Variants in RAPH1 observed in about 807,000 individuals in gnomAD.
RAPH1 encodes Ras association (RalGDS/AF-6) and pleckstrin homology domains 1, also known as ras-associated and pleckstrin homology domains-containing protein 1.
In RAPH1, 18 loss-of-function variants were observed where a neutral mutation model predicts 88.1. The ratio of observed to expected loss-of-function variants is 0.20; its 90% confidence interval spans 0.14 to 0.30. The LOEUF is 0.30. Ranked by LOEUF, RAPH1 falls within the 10% of genes least tolerant of loss-of-function variation. The probability of loss-of-function intolerance (pLI) is 1.00; values close to 1 mark genes in which losing one functional copy is unlikely to be tolerated. For synonymous variants in RAPH1, 587 were observed against 559.0 expected (o/e 1.05, Z -0.71); for missense variants, 1,448 against 1,543.2 (o/e 0.94, Z 1.03).
intron 4 of RAPH1, among the ~76,000 whole-genome samples, chr2:203,472,656 A>C (rs1338369604): frequency 6.6e-6 from 1 of 152,244 alleles, no homozygotes; most frequent in Admixed American, 6.5e-5. Context: ...TAGAAAAATT[A>C]TCTCCAAGTG....
Position 203,439,631 on chromosome 2 carries a change from G to A in RAPH1, c.3559C>T (p.Arg1187Cys), listed in dbSNP as rs774194590. 72 of 1,614,002 alleles carry A rather than the reference G, an allele frequency of 4.5e-5. No homozygotes were observed. Among genetic ancestry groups the A allele is most frequent in the Non-Finnish European group, 5.3e-5 (62 of 1,180,016 alleles). ...GCTGTTGGTTCTGCTCTGGACATGC[G>A]GGAGGAGAGTGAGCCGTGCCGAGTG... ...SITRHGSLSSRMSRAEPTATM... is the reference protein window; with the variant it reads ...SITRHGSLSSCMSRAEPTATM... Residue 1187 changes from arginine (R) to cysteine (C), a missense_variant, in exon 14 of 14, where the codon CGC becomes TGC. Physicochemically the swap from Arg to Cys is radical, Grantham distance 180. Around this residue, in one of 2 missense-constraint regions of RAPH1, gnomAD observed 935 missense variants for 890.1 expected, o/e 1.05. Coordinates refer to ENST00000319170, the MANE Select transcript of RAPH1 (RefSeq NM_213589.3).
intron 1 of RAPH1, among the ~76,000 whole-genome samples, chr2:203,524,166 C>T (rs1690014678): frequency 6.6e-6 from 1 of 152,072 alleles, no homozygotes; most frequent in African/African-American, 2.4e-5. Flanking sequence ...TGTCACTTCC[C>T]AAATGACTAA....
chr2:203,532,781 T>C (rs897599191), intron 1 of RAPH1, among the ~76,000 whole-genome samples: 2 of 152,340 alleles, frequency 1.3e-5, no homozygotes, highest in East Asian at 1.9e-4. Context: ...AGCAGTGATC[T>C]AATCCAAACT....
At chr2:203,475,883 A>G (rs1397668083) in intron 4 of RAPH1, among the ~76,000 whole-genome samples, 2 of 151,962 alleles carry the variant, frequency 1.3e-5, no homozygotes, top group Admixed American at 1.3e-4. Context: ...ACTAAAACAG[A>G]TATATTATTT....
chr2:203,457,925 G>C (rs1180863018), intron 7 of RAPH1, among the ~76,000 whole-genome samples: 1 of 152,124 alleles, frequency 6.6e-6, no homozygotes, highest in African/African-American at 2.4e-5. Context: ...GGATCTGAAA[G>C]GTTTAGAAAT....
chr2:203,483,526 G>C (rs998561526), intron 4 of RAPH1, among the ~76,000 whole-genome samples: 3 of 152,194 alleles, frequency 2.0e-5, no homozygotes, highest in Non-Finnish European at 4.4e-5. Context: ...GAAAGAGCAG[G>C]ACTTTAGGTT....
intron 1 of RAPH1, among the ~76,000 whole-genome samples, chr2:203,522,954 T>C (rs2264235): frequency 0.11 from 15,174 of 139,632 alleles, 1,552 homozygotes; most frequent in African/African-American, 0.28. Flanking sequence ...AGGGGAGGAA[T>C]GAATTTTACC....
intron 4 of RAPH1, among the ~76,000 whole-genome samples, chr2:203,475,477 T>C (rs1005422864): frequency 1.3e-5 from 2 of 152,166 alleles, no homozygotes; most frequent in African/African-American, 4.8e-5. Context: ...TATCAAATGA[T>C]TTTATTACTA....
In RAPH1 at chr2:203,433,906, C is replaced by T. The variant is rs1048567303; in HGVS notation, c.*5531G>A. 4 of 152,382 alleles carry T rather than the reference C, an allele frequency of 2.6e-5. No individual in the cohort carries two copies. The highest frequency in any genetic ancestry group is 4.1e-4 in the South Asian group (2 of 4,820). 9.4% of individuals were successfully genotyped at this position (152,382 alleles called of 1,614,324 possible). A position where few individuals can be genotyped will look rare whatever the true frequency, so the allele number is the denominator to read the frequency against. On this transcript the variant is annotated 3_prime_UTR_variant, in exon 14 of 14. Transcript: ENST00000319170. ...ATGAAAAACATTTACACTGACTGTA[C>T]GACTAGTGTGCTAAGCCATTACAAT...
rs186861756 is a variant in RAPH1 at position 203,514,720 on chromosome 2, A to G, written c.1-19367T>C. 3.5e-3 allele frequency among the ~76,000 whole-genome samples: 537 copies of G among 151,866 alleles called. 3 individuals are homozygous for G. Among genetic ancestry groups the G allele is most frequent in the African/African-American group, 0.012 (501 of 41,404 alleles). On this transcript the variant is annotated intron_variant, in intron 1 of 13. Coordinates refer to ENST00000319170, the MANE Select transcript of RAPH1 (RefSeq NM_213589.3). ...CAGGCGCCCACCACCACGTGCAGCT[A>G]ATTTTTTGTATTTTTAGTAGAGACG...
chr2:203,506,879 TAG>T lies in RAPH1; in HGVS notation c.1-11528_1-11527del, dbSNP rs1553630553. ...ATCTATATATATATATATATATATA[TAG>T]ATATATATATATATATATTTTTTTT... On this transcript the variant is annotated intron_variant, in intron 1 of 13. Coordinates refer to ENST00000319170, the MANE Select transcript of RAPH1 (RefSeq NM_213589.3). Among the ~76,000 whole-genome samples the T allele has an allele frequency of 2.0e-3, 162 of 81,130 alleles. 13 individuals are homozygous for T. Among genetic ancestry groups the T allele is most frequent in the African/African-American group, 4.8e-3 (91 of 18,878 alleles). 53.2% of individuals were successfully genotyped at this position (81,130 alleles called of 152,430 possible). A position where few individuals can be genotyped will look rare whatever the true frequency, so the allele number is the denominator to read the frequency against.
At chr2:203,488,684 C>T (rs1362364155) in intron 4 of RAPH1, among the ~76,000 whole-genome samples, 1 of 143,578 alleles carries the variant, frequency 7.0e-6, no homozygotes, top group Non-Finnish European at 1.5e-5. Flanking sequence ...GTACTATGAA[C>T]TCCATTTTAC....
At chr2:203,488,129 A>G (rs1363750925) in intron 4 of RAPH1, among the ~76,000 whole-genome samples, 1 of 152,176 alleles carries the variant, frequency 6.6e-6, no homozygotes, top group Non-Finnish European at 1.5e-5. Flanking sequence ...CTTTGATGAA[A>G]ACAACTCAAT....
chr2:203,448,921 C>G lies in RAPH1; in HGVS notation c.1414-85G>C. 1.2e-6 allele frequency: 1 copy of G among 838,204 alleles called. No homozygotes were observed. Among genetic ancestry groups the G allele is most frequent in the Non-Finnish European group, 1.9e-6 (1 of 529,804 alleles). The allele number at this position is 838,204 out of a possible 1,614,324, so 51.9% of individuals were successfully genotyped here. On this transcript the variant is annotated intron_variant, in intron 10 of 13. Coordinates refer to ENST00000319170, the MANE Select transcript of RAPH1 (RefSeq NM_213589.3). This position sits in a 1 kb window ranked among gnomAD's most constrained non-coding sequence, Gnocchi z 4.1. ...TTATCAAAGCTTAAACATATCCTGACAAGTTATAGGCCATTAGAGTAATGG... is the reference window on the plus strand; with the variant it reads ...TTATCAAAGCTTAAACATATCCTGAGAAGTTATAGGCCATTAGAGTAATGG...
intron 1 of RAPH1, among the ~76,000 whole-genome samples, chr2:203,521,664 GAAAT>G (rs1689878942): frequency 6.6e-6 from 1 of 151,816 alleles, no homozygotes; most frequent in Non-Finnish European, 1.5e-5. Context: ...AAAAATATTC[GAAAT>G]AAAAATGTAA....
intron 9 of RAPH1, 48 bp downstream of exon 9, chr2:203,455,389 A>G: frequency 6.3e-7 from 1 of 1,575,208 alleles, no homozygotes; most frequent in Non-Finnish European, 8.6e-7. Context: ...ACAAATTAAA[A>G]GCAATTAGCA....
chr2:203,456,530 T>C (rs2098519718), intron 8 of RAPH1, among the ~76,000 whole-genome samples: 1 of 152,070 alleles, frequency 6.6e-6, no homozygotes, highest in South Asian at 2.1e-4. Flanking sequence ...AAATCTAATA[T>C]TAAAGAAATC....
chr2:203,478,690 T>C (rs926602488), intron 4 of RAPH1, among the ~76,000 whole-genome samples: 2 of 152,060 alleles, frequency 1.3e-5, no homozygotes, highest in Non-Finnish European at 2.9e-5. Context: ...GATGTCACCA[T>C]GATGGTGAGG....
chr2:203,496,948 T>C, intron 1 of RAPH1, among the ~76,000 whole-genome samples: 1 of 152,214 alleles, frequency 6.6e-6, no homozygotes, highest in East Asian at 1.9e-4. Context: ...TGTATGGGCA[T>C]TCCATTAAAA....
Sources: gnomAD v4.1 joint callset for allele counts (sites outside exome capture counted in the v4.1 genomes callset) on GRCh38, gnomAD v4.1.1 for gene constraint, gnomAD v4.1.1 regional missense constraint, Gnocchi (gnomAD v3.1) non-coding constraint, MANE v1.5 for transcripts, NCBI Gene and HGNC (gene_info 2026-07-23, HGNC 2026-07-21) for gene names.